ANKMY1: variants seen among roughly 807,000 people sequenced by gnomAD.
ANKMY1 encodes the protein ankyrin repeat and MYND domain containing 1.
Under a neutral mutation model 102.0 loss-of-function variants are expected in ANKMY1, and 98 were observed. That is an observed-to-expected ratio of 0.96 (90% confidence interval 0.82 to 1.14). The LOEUF (loss-of-function observed/expected upper bound fraction) is 1.14, where lower values mean the gene tolerates loss of function less well. Ranked by LOEUF, ANKMY1 falls within the 50% of genes most tolerant of loss-of-function variation. ANKMY1 has a pLI of 0.00. For synonymous variants in ANKMY1, 582 were observed against 559.9 expected, an observed-to-expected ratio of 1.04 and a Z score of -0.56; for missense variants, 1,330 against 1,347.6, an observed-to-expected ratio of 0.99 and a Z score of 0.20.
At chr2:240,474,234 T>TAC in the ANKMY1 span, among the ~76,000 whole-genome samples, 3 of 149,296 alleles carry the variant, frequency 2.0e-5, no homozygotes, top group South Asian at 6.3e-4. Flanking sequence ...TAGCTGGGAC[T>TAC]ACAGGCGCCC....
At position 240,512,955 on chromosome 2, in the gene ANKMY1, C is replaced by A; in HGVS notation, c.2005-13G>T. 1 of 1,608,852 alleles carries A rather than the reference C, an allele frequency of 6.2e-7. No individual in the cohort carries two copies. On this transcript the variant is annotated splice_polypyrimidine_tract_variant and intron_variant, in intron 9 of 17. Coordinates refer to ENST00000401804, the MANE Select transcript of ANKMY1 (RefSeq NM_001282771.3). ...TCAGGGTGCTCAGCTGCAGAGGAAA[C>A]ACCGGGGCGGGCAGTGAGGCACATT...
intron 12 of ANKMY1, 123 bp downstream of exon 12, chr2:240,509,225 A>G (rs1251205182): frequency 1.5e-6 from 1 of 683,530 alleles, no homozygotes; most frequent in Non-Finnish European, 2.2e-6. Flanking sequence ...GGATGGATGA[A>G]TGGATGGATG....
upstream of ANKMY1, among the ~76,000 whole-genome samples, chr2:240,559,887 G>C (rs2092797245): frequency 1.3e-5 from 2 of 152,364 alleles, no homozygotes; most frequent in Non-Finnish European, 2.9e-5. Flanking sequence ...CTGTAGGGCT[G>C]TTGAGACAGT....
intron 4 of ANKMY1, among the ~76,000 whole-genome samples, chr2:240,545,439 A>G (rs1439610299): frequency 6.6e-6 from 1 of 152,256 alleles, no homozygotes; most frequent in Non-Finnish European, 1.5e-5. Context: ...TGGAAACTCT[A>G]AAAAGCAGAG....
chr2:240,561,009 C>T (rs758640402), upstream of ANKMY1: 34 of 1,536,542 alleles, frequency 2.2e-5, no homozygotes, highest in Non-Finnish European at 2.9e-5. Context: ...CGGCCGCAGC[C>T]GCTCGGCCGC....
chr2:240,535,356 A>G (rs1308365189), intron 4 of ANKMY1, among the ~76,000 whole-genome samples: 1 of 152,202 alleles, frequency 6.6e-6, no homozygotes, highest in Admixed American at 6.5e-5. Context: ...TTTACTTGGG[A>G]TCAATGGAAA....
intron 4 of ANKMY1, among the ~76,000 whole-genome samples, chr2:240,552,126 T>C (rs2091627167): frequency 6.6e-6 from 1 of 152,206 alleles, no homozygotes; most frequent in Admixed American, 6.5e-5. Flanking sequence ...GGGGGATGGA[T>C]TTGAGATTAA....
In ANKMY1 at chr2:240,512,874, C is replaced by T; in HGVS notation, c.2073G>A (p.Glu691=). 1 of 1,614,080 alleles carries T rather than the reference C, an allele frequency of 6.2e-7. No homozygotes were observed. Among genetic ancestry groups the T allele is most frequent in the Non-Finnish European group, 8.5e-7 (1 of 1,180,004 alleles). Reference sequence around the variant, plus strand: ...CATCGGTGATGGCATGCAACAGCAGCTCCACAATCTGTACCCCCTCCTCCC... The same window carrying T: ...CATCGGTGATGGCATGCAACAGCAGTTCCACAATCTGTACCCCCTCCTCCC... ...LPGEEGVQIV[E]LLLHAITDVD... is the part of the protein sequence containing the mutation. Residue 691 remains glutamate (E), a synonymous_variant, in exon 10 of 18, where the codon GAG becomes GAA. Transcript: ENST00000401804.
intron 4 of ANKMY1, 44 bp downstream of exon 4, chr2:240,552,870 C>T: frequency 6.2e-7 from 1 of 1,612,726 alleles, no homozygotes; most frequent in Non-Finnish European, 8.5e-7. Flanking sequence ...CTTAGACACA[C>T]ACAGCCACTT....
chr2:240,507,450 A>AGC, intron 13 of ANKMY1, 110 bp downstream of exon 13: 1 of 928,108 alleles, frequency 1.1e-6, no homozygotes, highest in Non-Finnish European at 1.3e-6. Flanking sequence ...AGGGCCACCC[A>AGC]CTCCCCTCCC....
chr2:240,500,605 C>T, intron 13 of ANKMY1, 40 bp from the exon 14 acceptor site: 1 of 1,567,294 alleles, frequency 6.4e-7, no homozygotes. Flanking sequence ...CAAGGACATC[C>T]CGGCTACTGG....
At chr2:240,480,512 G>A (rs2075257658) in intron 17 of ANKMY1, among the ~76,000 whole-genome samples, 1 of 152,234 alleles carries the variant, frequency 6.6e-6, no homozygotes, top group Non-Finnish European at 1.5e-5. Context: ...GGCAGGCTGG[G>A]AGGAAATTTC....
chr2:240,497,111 G>A (rs866010684), intron 15 of ANKMY1, among the ~76,000 whole-genome samples: 2 of 150,988 alleles, frequency 1.3e-5, no homozygotes, highest in Non-Finnish European at 1.5e-5. Flanking sequence ...CCACCTCCTC[G>A]CCATCTTGGA....
At chr2:240,480,170 C>T (rs576636685) in intron 17 of ANKMY1, among the ~76,000 whole-genome samples, 90 of 152,286 alleles carry the variant, frequency 5.9e-4, no homozygotes, top group Non-Finnish European at 7.6e-4. Flanking sequence ...CCAGACTTGG[C>T]GACAGAGCAA....
chr2:240,557,487 C>T, intron 1 of ANKMY1, 135 bp from the exon 2 acceptor site: 2 of 1,008,954 alleles, frequency 2.0e-6, no homozygotes, highest in Non-Finnish European at 1.3e-6. Flanking sequence ...GGAGCCTGGG[C>T]CGCCACCCAC....
chr2:240,509,728 G>A (rs1246105337), intron 11 of ANKMY1, among the ~76,000 whole-genome samples: 1 of 152,166 alleles, frequency 6.6e-6, no homozygotes, highest in African/African-American at 2.4e-5. Context: ...TGATGCATAA[G>A]TTGATTTAAA....
chr2:240,479,945 C>T (rs920085302), intron 17 of ANKMY1, among the ~76,000 whole-genome samples: 1 of 152,172 alleles, frequency 6.6e-6, no homozygotes, highest in Non-Finnish European at 1.5e-5. Context: ...CGCGCGGTGG[C>T]TCATGCCTGT....
intron 4 of ANKMY1, among the ~76,000 whole-genome samples, chr2:240,536,721 CA>C (rs2086851404): frequency 6.6e-6 from 1 of 152,090 alleles, no homozygotes; most frequent in African/African-American, 2.4e-5. Flanking sequence ...ATTAGACAGT[CA>C]AAAAATATAC....
At chr2:240,530,103 G>A (rs569583655) in intron 4 of ANKMY1, among the ~76,000 whole-genome samples, 5 of 152,306 alleles carry the variant, frequency 3.3e-5, no homozygotes, top group South Asian at 2.1e-4. Flanking sequence ...CAGCTCCCAC[G>A]CCTTTGCCTG....
Sources: allele counts gnomAD v4.1 joint callset (sites outside exome capture counted in the v4.1 genomes callset), GRCh38; gene constraint gnomAD v4.1.1; transcripts MANE v1.5; gene names NCBI Gene and HGNC (gene_info 2026-07-23, HGNC 2026-07-21).